PIP5K1B: variants seen among roughly 807,000 people sequenced by gnomAD.
PIP5K1B encodes phosphatidylinositol-4-phosphate 5-kinase type 1 beta, also known as phosphatidylinositol 4-phosphate 5-kinase type-1 beta.
Under a neutral mutation model 67.0 loss-of-function variants are expected in PIP5K1B, and 42 were observed. The observed-to-expected ratio is 0.63, with a 90% CI of 0.49 to 0.81. PIP5K1B has a LOEUF of 0.81. Among genes scored for constraint, PIP5K1B ranks in the 30% least tolerant of loss-of-function variants. The pLI is 0.00. For missense variants in PIP5K1B, 459 were observed against 646.3 expected, an observed-to-expected ratio of 0.71 and a Z score of 3.14; for synonymous variants, 214 against 231.4, an observed-to-expected ratio of 0.92 and a Z score of 0.68.
chr9:68,749,468 G>A (rs1160651028), intron 2 of PIP5K1B, among the ~76,000 whole-genome samples: 9 of 152,148 alleles, frequency 5.9e-5, no homozygotes, highest in African/African-American at 1.7e-4. Context: ...TGGACTTCTC[G>A]CCTCCAGAAC....
At chr9:68,943,467 A>T (rs545691060) in intron 14 of PIP5K1B, among the ~76,000 whole-genome samples, 2 of 152,288 alleles carry the variant, frequency 1.3e-5, no homozygotes, top group South Asian at 4.1e-4. Context: ...CCCAACCCTC[A>T]TTATTCAACT....
intron 4 of PIP5K1B, among the ~76,000 whole-genome samples, chr9:68,846,433 A>G (rs1822195250): frequency 6.6e-6 from 1 of 152,204 alleles, no homozygotes; most frequent in Admixed American, 6.6e-5. Context: ...CTAAATTCTT[A>G]TGAATTTAGA....
rs7032742 is a variant in PIP5K1B, at chr9:68,961,082, C to T, written c.1502+20292C>T. 8.7e-3 allele frequency among the ~76,000 whole-genome samples: 1,316 copies of T among 152,050 alleles called. 20 individuals are homozygous for T. Among genetic ancestry groups the T allele is most frequent in the African/African-American group, 0.03 (1,248 of 41,478 alleles). ...AATATTAGCCGGGCGCGGTGGCGGG[C>T]GCCTGTAGTCCCAGCTACTCGGGAG... On this transcript the variant is annotated intron_variant, in intron 14 of 15. Coordinates refer to ENST00000265382, the MANE Select transcript of PIP5K1B (RefSeq NM_003558.4).
chr9:68,964,035 C>T (rs558249393), intron 14 of PIP5K1B: 4 of 152,294 alleles, frequency 2.6e-5, no homozygotes, highest in African/African-American at 9.6e-5. Flanking sequence ...CAGCTCAATC[C>T]ATCTGAGCAC....
chr9:68,833,562 C>T (rs942466248), intron 4 of PIP5K1B, among the ~76,000 whole-genome samples: 1 of 147,940 alleles, frequency 6.8e-6, no homozygotes, highest in South Asian at 2.1e-4. Context: ...AGGGACACTG[C>T]CCCCCCACCC....
chr9:69,003,709 A>G (rs79502940), intron 15 of PIP5K1B, among the ~76,000 whole-genome samples: 2,904 of 152,278 alleles, frequency 0.019, 88 homozygotes, highest in African/African-American at 0.067. Context: ...GAGAAAGGCA[A>G]GCAGGAGTGG....
chr9:68,829,595 T>C (rs1278355917), intron 4 of PIP5K1B, among the ~76,000 whole-genome samples: 2 of 152,218 alleles, frequency 1.3e-5, no homozygotes, highest in Non-Finnish European at 2.9e-5. Context: ...ATCTAAACGT[T>C]GTTAGTGCCA....
chr9:68,786,444 T>G (rs1224069069), intron 2 of PIP5K1B, among the ~76,000 whole-genome samples: 1 of 150,892 alleles, frequency 6.6e-6, no homozygotes, highest in Non-Finnish European at 1.5e-5. Context: ...CCTTTTGAAT[T>G]TAGGCCCTTT....
intron 1 of PIP5K1B, among the ~76,000 whole-genome samples, chr9:68,730,390 A>G (rs1828366424): frequency 6.6e-6 from 1 of 152,228 alleles, no homozygotes; most frequent in South Asian, 2.1e-4. Context: ...GCTTCCAATG[A>G]AAGTGAGGAT....
At chr9:68,780,672 T>C (rs1831213473) in intron 2 of PIP5K1B, 3 of 1,614,050 alleles carry the variant, frequency 1.9e-6, no homozygotes, top group Non-Finnish European at 2.5e-6. Context: ...TAGCAACGGA[T>C]TGCCTCCAAG....
chr9:68,945,028 T>C (rs1466366699), intron 14 of PIP5K1B, among the ~76,000 whole-genome samples: 1 of 152,148 alleles, frequency 6.6e-6, no homozygotes, highest in Non-Finnish European at 1.5e-5. Context: ...GTTGGTTGGT[T>C]TTTTTCCTAA....
intron 4 of PIP5K1B, among the ~76,000 whole-genome samples, chr9:68,851,547 A>G (rs1007296081): frequency 1.3e-5 from 2 of 152,236 alleles, no homozygotes; most frequent in African/African-American, 4.8e-5. Context: ...AATGATTCAT[A>G]CTGGGAGACG....
intron 12 of PIP5K1B, among the ~76,000 whole-genome samples, chr9:68,928,561 G>T (rs551225513): frequency 5.9e-5 from 9 of 152,112 alleles, no homozygotes; most frequent in Non-Finnish European, 1.2e-4. Flanking sequence ...TCATTTTGGT[G>T]TATGAAGTGA....
chr9:69,008,466 C>T lies in PIP5K1B; in HGVS notation c.*17C>T, dbSNP rs748685457. On this transcript the variant is annotated 3_prime_UTR_variant, in exon 16 of 16. Coordinates refer to ENST00000265382, the MANE Select transcript of PIP5K1B (RefSeq NM_003558.4). ...CCCCAGTAAGTGAAAATGGTGATCA[C>T]CTAAGCACATGGATGAGACGTGAGC... is the stretch of plus-strand genomic sequence containing the variant. The T allele has an allele frequency of 1.2e-6, 2 of 1,613,250 alleles. No individual in the cohort carries two copies. The highest frequency in any genetic ancestry group is 3.3e-5 in the Admixed American group (2 of 60,024).
intron 1 of PIP5K1B, among the ~76,000 whole-genome samples, chr9:68,716,908 C>A (rs115142663): frequency 6.6e-6 from 1 of 152,068 alleles, no homozygotes; most frequent in Admixed American, 6.5e-5. Context: ...ATTATGCAGC[C>A]ATAAGAAAGA....
rs1285324620 is a variant in PIP5K1B, at chr9:68,991,142, A to G, written c.1505A>G (p.Lys502Arg). Residue 502 changes from lysine (K) to arginine (R), a missense_variant and splice_region_variant, in exon 15 of 16, where the codon AAA becomes AGA. Coordinates refer to ENST00000265382, the MANE Select transcript of PIP5K1B (RefSeq NM_003558.4). ...ATCATTCATCTTTATTTTTCCAGCAAAGGGTTACCTTCCAGTTCAACATTT... is the reference window on the plus strand; with the variant it reads ...ATCATTCATCTTTATTTTTCCAGCAGAGGGTTACCTTCCAGTTCAACATTT... ...HDRPTLYSNS[K>R]GLPSSSTFTL... is the part of the protein sequence containing the mutation. The G allele has an allele frequency of 1.9e-6, 3 of 1,572,802 alleles. No individual in the cohort carries two copies. Among genetic ancestry groups the G allele is most frequent in the South Asian group, 2.2e-5 (2 of 90,284 alleles).
intron 2 of PIP5K1B, chr9:68,780,240 A>G: frequency 2.6e-6 from 4 of 1,542,736 alleles, no homozygotes; most frequent in East Asian, 2.3e-5. Context: ...GGGCGGTGGC[A>G]GCGGCGGCGG....
At chr9:68,890,843 C>T (rs769705588) in intron 7 of PIP5K1B, among the ~76,000 whole-genome samples, 2 of 152,052 alleles carry the variant, frequency 1.3e-5, no homozygotes, top group African/African-American at 2.4e-5. Context: ...TATTTGATAA[C>T]CTGCTTAATT....
chr9:69,007,079 G>A (rs564905719), intron 15 of PIP5K1B, among the ~76,000 whole-genome samples: 25 of 152,310 alleles, frequency 1.6e-4, no homozygotes, highest in African/African-American at 5.8e-4. Context: ...GCGTGACCAT[G>A]TTGTGCATTT....
Sources: gnomAD v4.1 joint callset for allele counts (sites outside exome capture counted in the v4.1 genomes callset) on GRCh38, gnomAD v4.1.1 for gene constraint, MANE v1.5 for transcripts, NCBI Gene and HGNC (gene_info 2026-07-23, HGNC 2026-07-21) for gene names.